DCC: variants seen among roughly 807,000 people sequenced by gnomAD.
DCC encodes netrin receptor DCC.
In DCC, 58 loss-of-function variants were observed where a neutral mutation model predicts 172.5. The ratio of observed to expected loss-of-function variants is 0.34; its 90% CI spans 0.27 to 0.42. The LOEUF is 0.42. Among genes scored for constraint, DCC ranks in the 10% least tolerant of loss-of-function variants. DCC has a pLI of 1.00. For synonymous variants in DCC, 709 were observed against 644.5 expected, an observed-to-expected ratio of 1.10 and a Z score of -1.52; for missense variants, 1,740 against 1,791.0, an observed-to-expected ratio of 0.97 and a Z score of 0.51.
chr18:52,478,140 T>G (rs1989148141), intron 1 of DCC, among the ~76,000 whole-genome samples: 1 of 152,158 alleles, frequency 6.6e-6, no homozygotes. Flanking sequence ...TGGGTTACAA[T>G]CCTACATTTT....
chr18:52,483,385 CTT>C (rs1162620095), intron 1 of DCC, among the ~76,000 whole-genome samples: 1 of 152,046 alleles, frequency 6.6e-6, no homozygotes, highest in Non-Finnish European at 1.5e-5. Flanking sequence ...AAGTAGAACA[CTT>C]TCTCCAATAG....
chr18:52,524,814 C>A (rs1407684986), intron 1 of DCC, among the ~76,000 whole-genome samples: 1 of 152,072 alleles, frequency 6.6e-6, no homozygotes, highest in African/African-American at 2.4e-5. Flanking sequence ...ATTAGCAGTT[C>A]TATATCAGAT....
At chr18:53,355,524 C>A (rs1350130063) in intron 15 of DCC, among the ~76,000 whole-genome samples, 1 of 152,206 alleles carries the variant, frequency 6.6e-6, no homozygotes, top group Admixed American at 6.5e-5. Flanking sequence ...GTATTTCATT[C>A]TCTTTGAAGC....
chr18:52,385,311 T>TGCCAA, intron 1 of DCC, among the ~76,000 whole-genome samples: 1 of 151,646 alleles, frequency 6.6e-6, no homozygotes, highest in African/African-American at 2.4e-5. Context: ...AGTCTTGTTC[T>TGCCAA]AGTACCCAGG....
At chr18:53,266,681 G>T (rs2056679213) in intron 12 of DCC, among the ~76,000 whole-genome samples, 1 of 151,822 alleles carries the variant, frequency 6.6e-6, no homozygotes, top group South Asian at 2.1e-4. Flanking sequence ...TCTTAGCAGT[G>T]CCCTCCTCAC....
At chr18:52,962,779 A>C (rs2040863912) in intron 5 of DCC, among the ~76,000 whole-genome samples, 1 of 152,238 alleles carries the variant, frequency 6.6e-6, no homozygotes, top group Non-Finnish European at 1.5e-5. Context: ...GCAGCCATAA[A>C]AAATGATGAG....
chr18:53,052,399 C>T (rs1455406801), intron 5 of DCC, among the ~76,000 whole-genome samples: 1 of 151,902 alleles, frequency 6.6e-6, no homozygotes, highest in Non-Finnish European at 1.5e-5. Flanking sequence ...CCTCCCCATC[C>T]CCCCTTTTTC....
chr18:52,461,191 A>C (rs895257658), intron 1 of DCC, among the ~76,000 whole-genome samples: 4 of 152,136 alleles, frequency 2.6e-5, no homozygotes, highest in African/African-American at 9.7e-5. Context: ...AGACACAAAC[A>C]CACACATTAG....
chr18:52,499,628 C>T (rs1173417114), intron 1 of DCC, among the ~76,000 whole-genome samples: 1 of 152,126 alleles, frequency 6.6e-6, no homozygotes, highest in African/African-American at 2.4e-5. Context: ...CCTTTCAGTG[C>T]ATTTTATTTA....
At chr18:53,117,762 C>G (rs1016181840) in intron 7 of DCC, among the ~76,000 whole-genome samples, 2 of 151,694 alleles carry the variant, frequency 1.3e-5, no homozygotes, top group Non-Finnish European at 1.5e-5. Context: ...CTGGACTCTA[C>G]AGTTTTCAGG....
intron 2 of DCC, among the ~76,000 whole-genome samples, chr18:52,791,838 C>T (rs896480079): frequency 3.3e-5 from 5 of 152,092 alleles, no homozygotes; most frequent in Non-Finnish European, 5.9e-5. Flanking sequence ...TTAAAATACC[C>T]TTACTAATTA....
intron 1 of DCC, among the ~76,000 whole-genome samples, chr18:52,612,680 C>A (rs1023713858): frequency 1.2e-4 from 19 of 152,098 alleles, no homozygotes; most frequent in African/African-American, 4.6e-4. Context: ...GTTTCTAGAG[C>A]CTTGATGGTT....
intron 1 of DCC, among the ~76,000 whole-genome samples, chr18:52,681,884 G>C (rs2035755781): frequency 7.5e-6 from 1 of 133,792 alleles, no homozygotes; most frequent in African/African-American, 2.7e-5. Context: ...TTTCTAAATA[G>C]AGTTCTTCCC....
intron 2 of DCC, among the ~76,000 whole-genome samples, chr18:52,860,649 T>C (rs2039126763): frequency 6.6e-6 from 1 of 152,250 alleles, no homozygotes; most frequent in African/African-American, 2.4e-5. Flanking sequence ...ATACTCAGCC[T>C]TATTATTTGC....
At chr18:52,590,531 A>G (rs1427941602) in intron 1 of DCC, among the ~76,000 whole-genome samples, 2 of 152,252 alleles carry the variant, frequency 1.3e-5, no homozygotes, top group South Asian at 2.1e-4. Context: ...GTGTTGGCAC[A>G]GATCTGTTTG....
chr18:52,535,052 C>A lies in DCC; in HGVS notation c.91+194174C>A, dbSNP rs145543244. Among the ~76,000 whole-genome samples, 683 of 152,248 alleles carry A rather than the reference C, an allele frequency of 4.5e-3. 2 individuals carry two copies. The highest frequency in any genetic ancestry group is 7.3e-3 in the Non-Finnish European group (496 of 68,008). ...GTAATTTATCTCCAGCAGCAATATG[C>A]ATAAGTTGTCTTTGAAAAGGTGGGA... On this transcript the variant is annotated intron_variant, in intron 1 of 28. Transcript: ENST00000442544.
At chr18:53,242,998 AC>A (rs2056320870) in intron 12 of DCC, among the ~76,000 whole-genome samples, 1 of 151,934 alleles carries the variant, frequency 6.6e-6, no homozygotes, top group Admixed American at 6.6e-5. Flanking sequence ...AGGTGAGAGG[AC>A]CCCAAAGCTA....
At chr18:52,443,747 T>C (rs1988040064) in intron 1 of DCC, among the ~76,000 whole-genome samples, 1 of 152,212 alleles carries the variant, frequency 6.6e-6, no homozygotes, top group Admixed American at 6.5e-5. Context: ...ATAAAATATA[T>C]GCTAACAAGT....
chr18:52,945,527 ATTGC>A (rs1481360994), intron 5 of DCC, among the ~76,000 whole-genome samples: 1 of 152,208 alleles, frequency 6.6e-6, no homozygotes, highest in Non-Finnish European at 1.5e-5. Context: ...TATTTCTATT[ATTGC>A]TTTATTATTG....
Sources: allele counts gnomAD v4.1 joint callset (sites outside exome capture counted in the v4.1 genomes callset), GRCh38; gene constraint gnomAD v4.1.1; transcripts MANE v1.5; gene names NCBI Gene and HGNC (gene_info 2026-07-23, HGNC 2026-07-21).